CACNA1C: variants seen among roughly 807,000 people sequenced by gnomAD.
CACNA1C encodes calcium voltage-gated channel subunit alpha1 C.
In CACNA1C, 30 loss-of-function variants were observed where a neutral mutation model predicts 229.0. The ratio of observed to expected loss-of-function variants is 0.13; its 90% CI spans 0.10 to 0.18. The LOEUF is 0.18. Ranked by LOEUF, CACNA1C falls within the 10% of genes least tolerant of loss-of-function variation. The probability of loss-of-function intolerance (pLI) is 1.00; values close to 1 mark genes in which losing one functional copy is unlikely to be tolerated. For synonymous variants in CACNA1C, 1,114 were observed against 1,132.5 expected (o/e 0.98, Z 0.33); for missense variants, 1,658 against 2,845.0 (o/e 0.58, Z 9.49).
At chr12:2,499,280 C>T (rs961848473) in intron 7 of CACNA1C, among the ~76,000 whole-genome samples, 1 of 152,218 alleles carries the variant, frequency 6.6e-6, no homozygotes, top group African/African-American at 2.4e-5. Flanking sequence ...CAGTGTAAAG[C>T]ACCGTGGCTT....
chr12:2,581,505 C>G (rs370345882), intron 13 of CACNA1C, 85 bp from the exon 14 acceptor site: 26 of 1,234,580 alleles, frequency 2.1e-5, no homozygotes, highest in East Asian at 1.8e-4. Flanking sequence ...CCTCTGAGAA[C>G]CTGCAGTGGG....
intron 30 of CACNA1C, among the ~76,000 whole-genome samples, chr12:2,640,536 G>A (rs897787533): frequency 1.3e-5 from 2 of 152,244 alleles, no homozygotes; most frequent in African/African-American, 4.8e-5. Flanking sequence ...ACGCCAGGAG[G>A]CGCAGAGCAG....
At chr12:2,231,115 C>T (rs2064988677) in intron 3 of CACNA1C, among the ~76,000 whole-genome samples, 1 of 152,198 alleles carries the variant, frequency 6.6e-6, no homozygotes, top group African/African-American at 2.4e-5. Context: ...GAGCACCTGC[C>T]AGGCAGCTGG....
intron 1 of CACNA1C, among the ~76,000 whole-genome samples, chr12:1,976,993 T>C (rs934093483): frequency 6.6e-6 from 1 of 152,192 alleles, no homozygotes; most frequent in African/African-American, 2.4e-5. Context: ...ACTATCAATA[T>C]GCCAATAAAT....
At chr12:2,582,158 G>A (rs1304243946) in intron 14 of CACNA1C, among the ~76,000 whole-genome samples, 5 of 151,032 alleles carry the variant, frequency 3.3e-5, no homozygotes, top group African/African-American at 2.4e-5. Flanking sequence ...AAAAAAAATC[G>A]TTCTTATCCA....
intron 29 of CACNA1C, among the ~76,000 whole-genome samples, chr12:2,629,720 G>A (rs568542317): frequency 4.6e-4 from 70 of 152,330 alleles, no homozygotes; most frequent in South Asian, 2.1e-3. Flanking sequence ...CTCCAACGAT[G>A]GAGCCAAATC....
chr12:2,463,112 G>GT (rs1385069594), intron 5 of CACNA1C, among the ~76,000 whole-genome samples: 26 of 151,756 alleles, frequency 1.7e-4, no homozygotes, highest in Admixed American at 2.6e-4. Context: ...GGGTTTCACC[G>GT]GTTAGCCAGG....
chr12:2,457,808 A>T, intron 5 of CACNA1C, 102 bp downstream of exon 5: 2 of 1,058,650 alleles, frequency 1.9e-6, no homozygotes, highest in Non-Finnish European at 2.5e-6. Flanking sequence ...CTGATTCCAT[A>T]TAAATGGAGG....
intron 1 of CACNA1C, among the ~76,000 whole-genome samples, chr12:2,088,437 G>A (rs1215188948): frequency 1.3e-5 from 2 of 152,106 alleles, no homozygotes; most frequent in Non-Finnish European, 2.9e-5. Context: ...TTGGTTTGCC[G>A]GAGGCTTGGC....
intron 3 of CACNA1C, among the ~76,000 whole-genome samples, chr12:2,265,532 C>T (rs1380709389): frequency 6.6e-6 from 1 of 152,230 alleles, no homozygotes; most frequent in Non-Finnish European, 1.5e-5. Context: ...TCCCACACCC[C>T]TGTCCCTTCA....
intron 3 of CACNA1C, among the ~76,000 whole-genome samples, chr12:2,151,493 G>A (rs2095262379): frequency 1.3e-5 from 2 of 152,142 alleles, no homozygotes; most frequent in South Asian, 4.1e-4. Context: ...CTTTTCAGGA[G>A]CAACTCTGCA....
intron 24 of CACNA1C, 22 bp from the exon 25 acceptor site, chr12:2,606,589 T>TAGG (rs1568738635): frequency 6.3e-7 from 1 of 1,589,418 alleles, no homozygotes; most frequent in Admixed American, 1.8e-5. Flanking sequence ...ACATCTCTGA[T>TAGG]ACTCTGTTCT....
chr12:2,121,511 G>A (rs1261311658), intron 3 of CACNA1C, among the ~76,000 whole-genome samples: 3 of 152,194 alleles, frequency 2.0e-5, no homozygotes, highest in Non-Finnish European at 2.9e-5. Context: ...AGCAGGTAAG[G>A]TGTTCACCGC....
chr12:2,064,134 A>G (rs1264139673), intron 1 of CACNA1C, among the ~76,000 whole-genome samples: 1 of 152,230 alleles, frequency 6.6e-6, no homozygotes, highest in Non-Finnish European at 1.5e-5. Flanking sequence ...AGTGACTGAT[A>G]CTGCCTCTGT....
In CACNA1C at chr12:2,116,402, C is replaced by T. The variant is rs564769701; in HGVS notation, c.371+857C>T. Among the ~76,000 whole-genome samples the T allele has an allele frequency of 7.2e-3, 1,066 of 148,062 alleles. 12 individuals carry two copies. The highest frequency in any genetic ancestry group is 0.025 in the African/African-American group (981 of 39,938). ...TTTTTTTTTTTTTGAGACGGAGTCT[C>T]GCTCTGTCACCCAGGCTGGAGTGCA... On this transcript the variant is annotated intron_variant, in intron 2 of 46. Transcript: ENST00000399655.
intron 5 of CACNA1C, among the ~76,000 whole-genome samples, chr12:2,471,771 C>G (rs2099594427): frequency 6.6e-6 from 1 of 152,170 alleles, no homozygotes. Context: ...TAACCTCCGC[C>G]TCCTGGGTTC....
chr12:2,091,035 G>A (rs999501627), intron 1 of CACNA1C, among the ~76,000 whole-genome samples: 6 of 152,182 alleles, frequency 3.9e-5, no homozygotes, highest in Admixed American at 1.3e-4. Flanking sequence ...AGCTATTCAA[G>A]TCTTTTGCCC....
At chr12:2,383,550 G>A (rs1450011801) in intron 3 of CACNA1C, among the ~76,000 whole-genome samples, 1 of 152,180 alleles carries the variant, frequency 6.6e-6, no homozygotes, top group African/African-American at 2.4e-5. Context: ...AGACAGAGGA[G>A]GCGATCCAAT....
At chr12:2,096,147 C>G (rs2073848280) in intron 1 of CACNA1C, among the ~76,000 whole-genome samples, 1 of 152,206 alleles carries the variant, frequency 6.6e-6, no homozygotes, top group South Asian at 2.1e-4. Flanking sequence ...ATCAAACCAG[C>G]TCTCGCAGCC....
Sources: allele counts gnomAD v4.1 joint callset (sites outside exome capture counted in the v4.1 genomes callset), GRCh38; gene constraint gnomAD v4.1.1; transcripts MANE v1.5; gene names NCBI Gene and HGNC (gene_info 2026-07-23, HGNC 2026-07-21).